The following LRRTM4 variants were observed in gnomAD, a reference collection of about 807,000 sequenced individuals.
LRRTM4 encodes leucine-rich repeat transmembrane neuronal protein 4.
Under a neutral mutation model 47.6 loss-of-function variants are expected in LRRTM4, and 25 were observed. That is an observed-to-expected ratio of 0.53 (90% CI 0.38 to 0.73). The LOEUF (loss-of-function observed/expected upper bound fraction) is 0.73, where lower values mean the gene tolerates loss of function less well. Among genes scored for constraint, LRRTM4 ranks in the 30% least tolerant of loss-of-function variants. The pLI, the probability that LRRTM4 is intolerant of heterozygous loss-of-function variation, is 0.00. For synonymous variants in LRRTM4, 311 were observed against 269.5 expected (o/e 1.15, Z -1.51); for missense variants, 638 against 713.4 (o/e 0.89, Z 1.20).
intron 3 of LRRTM4, among the ~76,000 whole-genome samples, chr2:76,781,353 T>C (rs530084138): frequency 2.7e-4 from 41 of 152,320 alleles, no homozygotes; most frequent in African/African-American, 9.4e-4. Context: ...TCCCCCAGCC[T>C]GGCTGCCGCC....
chr2:77,079,726 T>A (rs1680469157), intron 3 of LRRTM4, among the ~76,000 whole-genome samples: 1 of 152,178 alleles, frequency 6.6e-6, no homozygotes, highest in Admixed American at 6.5e-5. Flanking sequence ...TGAAGCTTGA[T>A]AATTATTAGT....
intron 3 of LRRTM4, among the ~76,000 whole-genome samples, chr2:77,466,973 C>T (rs752099767): frequency 2.0e-5 from 3 of 152,000 alleles, no homozygotes; most frequent in Non-Finnish European, 4.4e-5. Context: ...GCTGGGATTG[C>T]AAACGTGAGC....
chr2:77,471,382 T>G (rs1478910710), intron 3 of LRRTM4, among the ~76,000 whole-genome samples: 1 of 152,154 alleles, frequency 6.6e-6, no homozygotes, highest in Non-Finnish European at 1.5e-5. Flanking sequence ...TAATAAGCTC[T>G]GGAATAACAA....
At chr2:77,231,175 C>T (rs1035317685) in intron 3 of LRRTM4, among the ~76,000 whole-genome samples, 34 of 151,680 alleles carry the variant, frequency 2.2e-4, no homozygotes, top group Non-Finnish European at 4.4e-5. Flanking sequence ...AAACCCATGG[C>T]GTGAGGATAA....
chr2:77,249,833 G>C (rs1162209985), intron 3 of LRRTM4, among the ~76,000 whole-genome samples: 1 of 152,162 alleles, frequency 6.6e-6, no homozygotes, highest in South Asian at 2.1e-4. Context: ...TCATCCAAGG[G>C]TGTAAAACTT....
intron 3 of LRRTM4, among the ~76,000 whole-genome samples, chr2:77,259,718 G>A (rs752380703): frequency 3.9e-5 from 6 of 151,974 alleles, no homozygotes; most frequent in Non-Finnish European, 8.8e-5. Context: ...GAATATCCAG[G>A]AATGGAGAAA....
At chr2:77,309,559 A>G (rs895623949) in intron 3 of LRRTM4, among the ~76,000 whole-genome samples, 5 of 152,132 alleles carry the variant, frequency 3.3e-5, no homozygotes, top group Non-Finnish European at 7.3e-5. Context: ...TGTAAGTCCA[A>G]TCAGGTTGGA....
At chr2:77,204,673 C>T (rs115438954) in intron 3 of LRRTM4, among the ~76,000 whole-genome samples, 1 of 152,120 alleles carries the variant, frequency 6.6e-6, no homozygotes, top group Non-Finnish European at 1.5e-5. Flanking sequence ...ATAACACTTT[C>T]TGTGATTCAT....
At chr2:77,309,047 C>G (rs542442189) in intron 3 of LRRTM4, among the ~76,000 whole-genome samples, 40 of 152,278 alleles carry the variant, frequency 2.6e-4, no homozygotes, top group African/African-American at 9.4e-4. Context: ...GGAAGGCTGT[C>G]TGAGCCCAAA....
rs1672166116 is a variant in LRRTM4 at position 77,360,542 on chromosome 2, AATCATTC to A, written c.1551+157769_1551+157775del. On this transcript the variant is annotated intron_variant, in intron 3 of 3. Coordinates refer to ENST00000409884, the MANE Select transcript of LRRTM4 (RefSeq NM_001134745.3). The stretch of plus-strand genomic sequence containing the variant: ...GATACGATACGATACGATACAATAC[AATCATTC>A]ATACATACATACATACATACATACA... Among the ~76,000 whole-genome samples the A allele has an allele frequency of 3.6e-5, 5 of 139,036 alleles. No homozygotes were observed. In the South Asian group the frequency reaches 1.2e-3, roughly 32 times the overall value. 91.2% of individuals were successfully genotyped at this position (139,036 alleles called of 152,430 possible).
At chr2:77,152,645 T>C (rs1466135304) in intron 3 of LRRTM4, among the ~76,000 whole-genome samples, 1 of 152,064 alleles carries the variant, frequency 6.6e-6, no homozygotes, top group Non-Finnish European at 1.5e-5. Flanking sequence ...TGTATCTTAG[T>C]TTCTTCATTC....
intron 3 of LRRTM4, among the ~76,000 whole-genome samples, chr2:76,873,517 T>TATAC (rs1197418578): frequency 6.9e-6 from 1 of 145,774 alleles, no homozygotes; most frequent in African/African-American, 2.5e-5. Flanking sequence ...TATATATATA[T>TATAC]ATATATATAT....
chr2:77,468,276 G>A (rs1048282239), intron 3 of LRRTM4, among the ~76,000 whole-genome samples: 8 of 151,742 alleles, frequency 5.3e-5, no homozygotes, highest in African/African-American at 7.3e-5. Flanking sequence ...TTGTGTTCTC[G>A]TGTGACAAAT....
intron 3 of LRRTM4, among the ~76,000 whole-genome samples, chr2:77,045,131 G>GAA (rs1198413604): frequency 6.6e-6 from 1 of 151,840 alleles, no homozygotes; most frequent in East Asian, 1.9e-4. Context: ...TGTTTACCCA[G>GAA]CACAAATCTA....
intron 3 of LRRTM4, among the ~76,000 whole-genome samples, chr2:76,765,328 G>A (rs1312503201): frequency 6.6e-6 from 1 of 152,170 alleles, no homozygotes; most frequent in Non-Finnish European, 1.5e-5. Flanking sequence ...TATTATTTGA[G>A]AGTTTGGAGT....
intron 3 of LRRTM4, among the ~76,000 whole-genome samples, chr2:77,282,077 T>C (rs1024661096): frequency 6.6e-6 from 1 of 151,940 alleles, no homozygotes; most frequent in African/African-American, 2.4e-5. Context: ...GAGCATGTAA[T>C]GCTTTTCAAA....
chr2:76,936,296 G>C (rs143565274), intron 3 of LRRTM4, among the ~76,000 whole-genome samples: 1,577 of 152,070 alleles, frequency 0.01, 31 homozygotes, highest in African/African-American at 0.036. Flanking sequence ...CAGGGACATG[G>C]ATGAAGCTGG....
intron 3 of LRRTM4, among the ~76,000 whole-genome samples, chr2:77,508,583 T>C (rs1678864210): frequency 6.6e-6 from 1 of 152,162 alleles, no homozygotes; most frequent in Non-Finnish European, 1.5e-5. Flanking sequence ...GGGTTTGTTT[T>C]TTGTCAGTAG....
At chr2:76,878,745 G>T (rs1672845760) in intron 3 of LRRTM4, among the ~76,000 whole-genome samples, 1 of 152,014 alleles carries the variant, frequency 6.6e-6, no homozygotes, top group Non-Finnish European at 1.5e-5. Flanking sequence ...ATGGTGGTGG[G>T]TGCTTGGAAT....
Sources: gnomAD v4.1 joint callset for allele counts (sites outside exome capture counted in the v4.1 genomes callset) on GRCh38, gnomAD v4.1.1 for gene constraint, MANE v1.5 for transcripts, NCBI Gene and HGNC (gene_info 2026-07-23, HGNC 2026-07-21) for gene names.